The following CCDC171 variants were observed in gnomAD, a reference collection of about 807,000 sequenced individuals.
CCDC171 encodes coiled-coil domain-containing protein 171.
Under a neutral mutation model 168.2 loss-of-function variants are expected in CCDC171, and 177 were observed. The observed-to-expected ratio is 1.05, with a 90% CI of 0.93 to 1.19. The LOEUF is 1.19. Ranked by LOEUF, CCDC171 falls within the 50% of genes most tolerant of loss-of-function variation. CCDC171 has a pLI of 0.00. For missense variants in CCDC171, 1,991 were observed against 1,539.0 expected (o/e 1.29, Z -4.91); for synonymous variants, 687 against 540.8 (o/e 1.27, Z -3.75).
At chr9:15,775,795 C>A (rs926114454) in intron 18 of CCDC171, among the ~76,000 whole-genome samples, 4 of 152,090 alleles carry the variant, frequency 2.6e-5, no homozygotes, top group Non-Finnish European at 4.4e-5. Flanking sequence ...TTCTTGTGTT[C>A]AGCATTGTTG....
intron 18 of CCDC171, among the ~76,000 whole-genome samples, chr9:15,764,408 C>A (rs1280634559): frequency 1.3e-5 from 2 of 152,142 alleles, no homozygotes; most frequent in Admixed American, 6.6e-5. Context: ...AGTATAACAT[C>A]ATTGGACTTG....
chr9:15,918,800 G>C (rs932923207), intron 24 of CCDC171, among the ~76,000 whole-genome samples: 5 of 151,342 alleles, frequency 3.3e-5, no homozygotes, highest in Non-Finnish European at 7.4e-5. Context: ...TTATTCATTA[G>C]ATTAGGTGTT....
intron 11 of CCDC171, among the ~76,000 whole-genome samples, chr9:15,698,404 C>G (rs920847122): frequency 2.6e-5 from 4 of 151,850 alleles, no homozygotes; most frequent in Non-Finnish European, 5.9e-5. Context: ...GCCTGTAGTC[C>G]CAGCTACTCG....
chr9:15,615,800 A>G (rs933048466), intron 6 of CCDC171, among the ~76,000 whole-genome samples: 1 of 148,918 alleles, frequency 6.7e-6, no homozygotes, highest in African/African-American at 2.5e-5. Flanking sequence ...TTTTCTTCAG[A>G]CAGGGTCTCA....
At chr9:15,823,700 C>T (rs1489043888) in intron 21 of CCDC171, among the ~76,000 whole-genome samples, 1 of 151,920 alleles carries the variant, frequency 6.6e-6, no homozygotes, top group Non-Finnish European at 1.5e-5. Context: ...CCCTTTGGGC[C>T]CTTCACAGTT....
At chr9:15,595,086 C>G (rs529624400) in intron 6 of CCDC171, among the ~76,000 whole-genome samples, 2 of 152,024 alleles carry the variant, frequency 1.3e-5, no homozygotes, top group Non-Finnish European at 2.9e-5. Context: ...GTAATTATGT[C>G]TCACAAACAA....
At chr9:15,944,833 CTTTTTT>C (rs1564040323) in intron 25 of CCDC171, among the ~76,000 whole-genome samples, 1 of 48,380 alleles carries the variant, frequency 2.1e-5, no homozygotes, top group African/African-American at 7.1e-5. Flanking sequence ...CTTTTTCTTT[CTTTTTT>C]CTTTCTTTCT....
the CCDC171 span, among the ~76,000 whole-genome samples, chr9:16,071,890 TA>T: frequency 6.6e-6 from 1 of 152,108 alleles, no homozygotes; most frequent in African/African-American, 2.4e-5. Flanking sequence ...CCCAACCCCA[TA>T]ACCCCCAATT....
chr9:15,668,682 C>A (rs933940481), intron 9 of CCDC171, among the ~76,000 whole-genome samples: 1 of 152,142 alleles, frequency 6.6e-6, no homozygotes, highest in Non-Finnish European at 1.5e-5. Context: ...CCACTTCCAT[C>A]CCTACTATCT....
chr9:16,014,664 G>A (rs571607293), intron 3 of CCDC171, among the ~76,000 whole-genome samples: 2 of 152,258 alleles, frequency 1.3e-5, no homozygotes, highest in African/African-American at 4.8e-5. Context: ...CATTGTGTTT[G>A]CAGGCATAAT....
At chr9:16,102,734 C>T in the CCDC171 span, among the ~76,000 whole-genome samples, 344 of 152,290 alleles carry the variant, frequency 2.3e-3, 2 homozygotes, top group African/African-American at 7.6e-3. Context: ...AACAGCTCTT[C>T]GTCCCCCTGG....
rs1831523387 is a variant in CCDC171 at position 15,973,471 on chromosome 9, C to G, written c.*1635C>G. The G allele has an allele frequency of 6.6e-6, 1 of 152,164 alleles. No homozygotes were observed. The highest frequency in any genetic ancestry group is 6.6e-5 in the Admixed American group (1 of 15,262). The allele number at this position is 152,164 out of a possible 1,614,324, so 9.4% of individuals were successfully genotyped here. ...CATCTGAGGGAACACAGCAGTATTACTGTCGTACTGTGTAACACATCCTAT... is the reference window on the plus strand; with the variant it reads ...CATCTGAGGGAACACAGCAGTATTAGTGTCGTACTGTGTAACACATCCTAT... On this transcript the variant is annotated 3_prime_UTR_variant, in exon 26 of 26. Coordinates refer to ENST00000380701, the MANE Select transcript of CCDC171 (RefSeq NM_173550.4).
At chr9:15,677,771 G>A (rs913417210) in intron 9 of CCDC171, among the ~76,000 whole-genome samples, 6 of 145,130 alleles carry the variant, frequency 4.1e-5, no homozygotes, top group African/African-American at 1.5e-4. Flanking sequence ...CTATATGTGT[G>A]TGTGTGTGTG....
intron 10 of CCDC171, among the ~76,000 whole-genome samples, chr9:15,679,527 G>A (rs750708204): frequency 1.3e-5 from 2 of 151,972 alleles, no homozygotes; most frequent in Non-Finnish European, 2.9e-5. Context: ...CCATATTAGA[G>A]TGCTCCTTGT....
intron 6 of CCDC171, among the ~76,000 whole-genome samples, chr9:15,615,594 C>T (rs2044019314): frequency 6.6e-6 from 1 of 151,988 alleles, no homozygotes; most frequent in Admixed American, 6.6e-5. Flanking sequence ...TAATATATCA[C>T]CAAAATAAAC....
chr9:15,607,434 G>C (rs899313351), intron 6 of CCDC171, among the ~76,000 whole-genome samples: 21 of 152,036 alleles, frequency 1.4e-4, no homozygotes, highest in Admixed American at 1.4e-3. Flanking sequence ...ATATCATACA[G>C]GATGCTTCTT....
intron 24 of CCDC171, among the ~76,000 whole-genome samples, chr9:15,903,759 A>G (rs905769443): frequency 1.3e-5 from 2 of 152,212 alleles, no homozygotes; most frequent in African/African-American, 4.8e-5. Context: ...AACCCATGGC[A>G]AAGAAGTTAA....
chr9:16,101,808 TC>T, the CCDC171 span, among the ~76,000 whole-genome samples: 1 of 152,094 alleles, frequency 6.6e-6, no homozygotes, highest in Admixed American at 6.5e-5. Context: ...GAACCTCAGC[TC>T]CATGCTGCAA....
chr9:15,607,138 C>A (rs909228300), intron 6 of CCDC171, among the ~76,000 whole-genome samples: 14 of 152,070 alleles, frequency 9.2e-5, no homozygotes, highest in African/African-American at 3.4e-4. Flanking sequence ...ACATACAACC[C>A]CCCCAGGGAT....
Sources: gnomAD v4.1 joint callset for allele counts (sites outside exome capture counted in the v4.1 genomes callset) on GRCh38, gnomAD v4.1.1 for gene constraint, MANE v1.5 for transcripts, NCBI Gene and HGNC (gene_info 2026-07-23, HGNC 2026-07-21) for gene names.